The following RBM47 variants were observed in gnomAD, a reference collection of about 807,000 sequenced individuals.
RBM47 encodes RNA binding motif protein 47, also known as RNA-binding protein 47.
Under a neutral mutation model 47.1 loss-of-function variants are expected in RBM47, and 21 were observed. That is an observed-to-expected ratio of 0.45 (90% CI 0.32 to 0.64). The LOEUF is 0.64. Among genes scored for constraint, RBM47 ranks in the 30% least tolerant of loss-of-function variants. RBM47 has a pLI of 0.05. For missense variants in RBM47, 708 were observed against 870.9 expected (o/e 0.81, Z 2.35); for synonymous variants, 375 against 361.7 (o/e 1.04, Z -0.42).
chr4:40,591,298 T>A (rs898122323), intron 1 of RBM47, among the ~76,000 whole-genome samples: 1 of 152,184 alleles, frequency 6.6e-6, no homozygotes. Flanking sequence ...GTCAATCTAC[T>A]AAATGCCACA....
intron 3 of RBM47, among the ~76,000 whole-genome samples, chr4:40,439,328 AAC>A (rs1713265351): frequency 6.6e-6 from 1 of 152,184 alleles, no homozygotes; most frequent in Non-Finnish European, 1.5e-5. Context: ...TTCTTTGGTG[AAC>A]ACAGCTTTCT....
chr4:40,557,664 G>A (rs527911182), intron 1 of RBM47, among the ~76,000 whole-genome samples: 5 of 151,998 alleles, frequency 3.3e-5, no homozygotes, highest in African/African-American at 7.3e-5. Flanking sequence ...CAGGAGAATC[G>A]CTTGAACCCA....
rs1184871315 is a variant in RBM47 at position 40,529,931 on chromosome 4, C to CTT, written c.-155+14489_-155+14490dup. ...ATGGATTTTAAGGATATTAGACCCC[C>CTT]TTTTTTTTTTTTTTTTTTTTTTGAG... On this transcript the variant is annotated intron_variant, in intron 2 of 6. Coordinates refer to ENST00000295971, the MANE Select transcript of RBM47 (RefSeq NM_001098634.2). Among the ~76,000 whole-genome samples, 105 of 124,498 alleles carry CTT rather than the reference C, an allele frequency of 8.4e-4. 6 individuals carry two copies. The highest frequency in any genetic ancestry group is 3.1e-3 in the East Asian group (13 of 4,160). 81.7% of individuals were successfully genotyped at this position (124,498 alleles called of 152,430 possible).
rs538138117 is a variant in RBM47 at position 40,469,116 on chromosome 4, G to A, written c.-154-2417C>T. Among the ~76,000 whole-genome samples, 63 of 152,268 alleles carry A rather than the reference G, an allele frequency of 4.1e-4. No individual in the cohort carries two copies. The South Asian group carries it at 0.013, about 31-fold the overall frequency. ...AAAATATTTATAAAGCACCATTCTC[G>A]ACATATATTATTTGTGCAGAATTTT... On this transcript the variant is annotated intron_variant, in intron 2 of 6. Transcript: ENST00000295971.
chr4:40,500,908 G>C (rs1723271815), intron 2 of RBM47, among the ~76,000 whole-genome samples: 1 of 152,000 alleles, frequency 6.6e-6, no homozygotes. Flanking sequence ...GACATTCTTT[G>C]GTTTTCTATC....
intron 1 of RBM47, among the ~76,000 whole-genome samples, chr4:40,555,802 C>G (rs920432660): frequency 1.1e-4 from 17 of 152,128 alleles, no homozygotes; most frequent in African/African-American, 3.6e-4. Flanking sequence ...AAATAGAATT[C>G]GGAAAGATGA....
intron 2 of RBM47, among the ~76,000 whole-genome samples, chr4:40,487,974 G>A (rs1721343215): frequency 6.6e-6 from 1 of 152,084 alleles, no homozygotes; most frequent in Non-Finnish European, 1.5e-5. Flanking sequence ...CTGTTCTTTA[G>A]TGAAGCTTTT....
In RBM47 at chr4:40,629,723, G is replaced by A. The variant is rs1040244050; in HGVS notation, c.-567C>T. On this transcript the variant is annotated 5_prime_UTR_variant, in exon 1 of 7. Coordinates refer to ENST00000295971, the MANE Select transcript of RBM47 (RefSeq NM_001098634.2). Reference sequence around the variant, plus strand: ...CAAGCTGCACATTCCACAGTGGAAAGCGGGAGCGGCGACCCGAAGGCAGCG... The same window carrying A: ...CAAGCTGCACATTCCACAGTGGAAAACGGGAGCGGCGACCCGAAGGCAGCG... The A allele has an allele frequency of 5.9e-5, 9 of 152,334 alleles. No homozygotes were observed. The East Asian group carries it at 7.7e-4, about 13-fold the overall frequency. 9.4% of individuals were successfully genotyped at this position (152,334 alleles called of 1,614,324 possible).
chr4:40,629,925 C>G (rs941887669), upstream of RBM47: 1 of 151,278 alleles, frequency 6.6e-6, no homozygotes, highest in Non-Finnish European at 1.5e-5. Flanking sequence ...CCGAGGCCAT[C>G]CGCCTCACAG....
chr4:40,619,836 A>G (rs928147226), intron 1 of RBM47, among the ~76,000 whole-genome samples: 1 of 152,166 alleles, frequency 6.6e-6, no homozygotes, highest in African/African-American at 2.4e-5. Flanking sequence ...AGGGCGGAGA[A>G]TCTTTATTCA....
chr4:40,438,484 C>T lies in RBM47; in HGVS notation c.410G>A (p.Arg137His), dbSNP rs1014955331. ...AVRELNNYEI[R>H]PGRLLGVCCS... Reference sequence around the variant, plus strand: ...GCACACGCCGAGCAGGCGGCCCGGGCGGATCTCGTAGTTGTTGAGCTCACG... The same window carrying T: ...GCACACGCCGAGCAGGCGGCCCGGGTGGATCTCGTAGTTGTTGAGCTCACG... The change falls in exon 4 of 7, where the codon CGC (arginine) becomes CAC (histidine). Residue 137 changes from arginine to histidine, a missense_variant. Arg to His is a conservative substitution (Grantham distance 29). Transcript: ENST00000295971. 1.2e-6 allele frequency: 2 copies of T among 1,613,446 alleles called. No homozygotes were observed. Among genetic ancestry groups the T allele is most frequent in the South Asian group, 1.1e-5 (1 of 91,066 alleles).
intron 1 of RBM47, among the ~76,000 whole-genome samples, chr4:40,575,557 A>AAAAAAAAAAAAAC (rs1553903790): frequency 9.3e-5 from 14 of 150,336 alleles, no homozygotes; most frequent in South Asian, 2.1e-4. Context: ...CATCTCAAAA[A>AAAAAAAAAAAAAC]AAAAAAAAAA....
chr4:40,508,718 G>A (rs141631461), intron 2 of RBM47, among the ~76,000 whole-genome samples: 16 of 152,296 alleles, frequency 1.1e-4, no homozygotes, highest in East Asian at 5.8e-4. Flanking sequence ...GGAGAGGCAC[G>A]ACGATACTGA....
chr4:40,458,497 A>G (rs1256535566), intron 3 of RBM47, among the ~76,000 whole-genome samples: 1 of 152,216 alleles, frequency 6.6e-6, no homozygotes, highest in African/African-American at 2.4e-5. Context: ...GAGTTAAAAT[A>G]CTTTCTTCTA....
intron 1 of RBM47, among the ~76,000 whole-genome samples, chr4:40,625,400 A>G (rs562128702): frequency 1.2e-4 from 19 of 152,310 alleles, no homozygotes; most frequent in Non-Finnish European, 2.4e-4. Context: ...TCTGAAAGGT[A>G]GATACTTTTT....
chr4:40,571,977 T>C (rs1323378840), intron 1 of RBM47, among the ~76,000 whole-genome samples: 2 of 149,980 alleles, frequency 1.3e-5, no homozygotes, highest in East Asian at 4.0e-4. Context: ...GAGCCGAGAT[T>C]GTACCACTGT....
At chr4:40,579,004 A>C (rs1004955517) in intron 1 of RBM47, among the ~76,000 whole-genome samples, 5 of 152,132 alleles carry the variant, frequency 3.3e-5, no homozygotes, top group Non-Finnish European at 7.4e-5. Flanking sequence ...TTGTACTCCC[A>C]GCTACTCAGG....
intron 2 of RBM47, among the ~76,000 whole-genome samples, chr4:40,490,602 G>A (rs1721733463): frequency 6.6e-6 from 1 of 151,908 alleles, no homozygotes; most frequent in Non-Finnish European, 1.5e-5. Context: ...CAAAGATCTA[G>A]GCCATCTATT....
intron 3 of RBM47, among the ~76,000 whole-genome samples, chr4:40,451,940 C>A (rs1226819559): frequency 6.6e-6 from 1 of 152,104 alleles, no homozygotes; most frequent in Non-Finnish European, 1.5e-5. Flanking sequence ...GAGGCCAAGG[C>A]GGGCAGATTG....
Sources: gnomAD v4.1 joint callset for allele counts (sites outside exome capture counted in the v4.1 genomes callset) on GRCh38, gnomAD v4.1.1 for gene constraint, MANE v1.5 for transcripts, NCBI Gene and HGNC (gene_info 2026-07-23, HGNC 2026-07-21) for gene names.